The following ADAMTS12 variants were observed in gnomAD, a reference collection of about 807,000 sequenced individuals.
ADAMTS12 encodes A disintegrin and metalloproteinase with thrombospondin motifs 12.
A neutral mutation model predicts 167.8 loss-of-function variants in ADAMTS12; 118 were observed. The observed-to-expected ratio is 0.70, with a 90% CI of 0.61 to 0.82. The LOEUF is 0.82. Among genes scored for constraint, ADAMTS12 ranks in the 40% least tolerant of loss-of-function variants. The pLI is 0.00. For synonymous variants in ADAMTS12, 704 were observed against 716.9 expected (o/e 0.98, Z 0.29); for missense variants, 1,916 against 1,998.8 (o/e 0.96, Z 0.79).
At chr5:33,657,316 AT>A (rs1741097490) in intron 7 of ADAMTS12, among the ~76,000 whole-genome samples, 1 of 152,026 alleles carries the variant, frequency 6.6e-6, no homozygotes, top group Non-Finnish European at 1.5e-5. Context: ...ATTCCCCAGC[AT>A]TTTTCCTTCT....
intron 2 of ADAMTS12, among the ~76,000 whole-genome samples, chr5:33,781,332 G>T (rs1255422810): frequency 2.0e-5 from 3 of 151,942 alleles, no homozygotes; most frequent in Non-Finnish European, 4.4e-5. Context: ...GAAATACCAA[G>T]AAGTCATCTA....
At chr5:33,646,584 A>C (rs1489574098) in intron 9 of ADAMTS12, among the ~76,000 whole-genome samples, 7 of 152,208 alleles carry the variant, frequency 4.6e-5, no homozygotes, top group Non-Finnish European at 5.9e-5. Flanking sequence ...CAAATCAGTA[A>C]CATTTTAAAT....
chr5:33,591,948 C>T lies in ADAMTS12; in HGVS notation c.2655-3139G>A, dbSNP rs114582029. On this transcript the variant is annotated intron_variant, in intron 17 of 23. Coordinates refer to ENST00000504830, the MANE Select transcript of ADAMTS12 (RefSeq NM_030955.4). ...ACTATCCAGCCCAGTAAGCCAGGCG[C>T]GGTAGCTCACGCCTGTAATCCCAGC... 5.5e-3 allele frequency among the ~76,000 whole-genome samples: 838 copies of T among 152,134 alleles called. 5 individuals are homozygous for T. Among genetic ancestry groups the T allele is most frequent in the African/African-American group, 0.019 (800 of 41,506 alleles).
chr5:33,753,969 A>T (rs80023921), intron 2 of ADAMTS12, among the ~76,000 whole-genome samples: 1,612 of 152,260 alleles, frequency 0.011, 27 homozygotes, highest in African/African-American at 0.038. Context: ...TTTGTCACAG[A>T]GAAAGGAATA....
chr5:33,729,490 A>G (rs1744100965), intron 3 of ADAMTS12, among the ~76,000 whole-genome samples: 1 of 152,242 alleles, frequency 6.6e-6, no homozygotes, highest in Non-Finnish European at 1.5e-5. Context: ...CCCATTTCCA[A>G]TGTAAGCAAA....
intron 3 of ADAMTS12, among the ~76,000 whole-genome samples, chr5:33,745,383 G>A (rs953423655): frequency 3.3e-5 from 5 of 152,174 alleles, no homozygotes; most frequent in South Asian, 2.1e-4. Flanking sequence ...AACACATCAA[G>A]TAACATTTAT....
intron 10 of ADAMTS12, among the ~76,000 whole-genome samples, chr5:33,642,252 G>A (rs1222453788): frequency 3.3e-5 from 5 of 152,152 alleles, no homozygotes; most frequent in Non-Finnish European, 7.4e-5. Context: ...TTTTTTCATT[G>A]AGAAAGTCTT....
At chr5:33,544,088 G>A (rs530497702) in intron 22 of ADAMTS12, among the ~76,000 whole-genome samples, 1 of 152,244 alleles carries the variant, frequency 6.6e-6, no homozygotes, top group South Asian at 2.1e-4. Flanking sequence ...GTTTGCAGAT[G>A]ACATGATTTT....
chr5:33,858,670 AG>A (rs112207993), intron 2 of ADAMTS12, among the ~76,000 whole-genome samples: 33,973 of 129,618 alleles, frequency 0.26, 4,084 homozygotes, highest in Admixed American at 0.3. Flanking sequence ...AAAAAAAAAA[AG>A]AAAAGAAAAA....
At chr5:33,631,561 C>T (rs1486355402) in intron 12 of ADAMTS12, among the ~76,000 whole-genome samples, 1 of 152,150 alleles carries the variant, frequency 6.6e-6, no homozygotes, top group African/African-American at 2.4e-5. Flanking sequence ...TTCTAAGGTT[C>T]AGTTTTCTAC....
chr5:33,775,028 G>T (rs920204633), intron 2 of ADAMTS12, among the ~76,000 whole-genome samples: 1 of 152,198 alleles, frequency 6.6e-6, no homozygotes, highest in Non-Finnish European at 1.5e-5. Flanking sequence ...AGCATCTCTG[G>T]GTGATAGGGC....
intron 13 of ADAMTS12, among the ~76,000 whole-genome samples, chr5:33,627,130 T>TGTG (rs372666390): frequency 2.3e-5 from 3 of 133,008 alleles, no homozygotes; most frequent in Admixed American, 1.5e-4. Context: ...GTGGTGGTGA[T>TGTG]GTGGTGGTGG....
chr5:33,828,807 T>C (rs1168590204), intron 2 of ADAMTS12, among the ~76,000 whole-genome samples: 1 of 152,208 alleles, frequency 6.6e-6, no homozygotes, highest in Non-Finnish European at 1.5e-5. Context: ...GAGGGTATGA[T>C]GCAGTGACTC....
rs529052836 is a variant in ADAMTS12 at position 33,551,686 on chromosome 5, C to T, written c.4126-2303G>A. 1.6e-3 allele frequency among the ~76,000 whole-genome samples: 251 copies of T among 152,238 alleles called. 1 individual carries two copies. Among genetic ancestry groups the T allele is most frequent in the African/African-American group, 5.9e-3 (246 of 41,562 alleles). ...ATTTATTTTTCAAATTAGCATTACT[C>T]TTTTGTCAAGAGCATGTGCACATTC... On this transcript the variant is annotated intron_variant, in intron 20 of 23. Coordinates refer to ENST00000504830, the MANE Select transcript of ADAMTS12 (RefSeq NM_030955.4).
intron 3 of ADAMTS12, among the ~76,000 whole-genome samples, chr5:33,690,675 C>T (rs9292505): frequency 0.045 from 6,804 of 151,842 alleles, 314 homozygotes; most frequent in East Asian, 0.17. Flanking sequence ...CTGAATGAGT[C>T]GAGAATTTAT....
Position 33,525,422 on chromosome 5 carries a change from C to A in ADAMTS12, c.*1766G>T, listed in dbSNP as rs113437526. 2 of 152,106 alleles carry A rather than the reference C, an allele frequency of 1.3e-5. No homozygotes were observed. The highest frequency in any genetic ancestry group is 4.8e-5 in the African/African-American group (2 of 41,404). 9.4% of individuals were successfully genotyped at this position (152,106 alleles called of 1,614,324 possible). On this transcript the variant is annotated 3_prime_UTR_variant, in exon 24 of 24. Transcript: ENST00000504830. ...CACAGGAATTCATGAGAGTAATACA[C>A]GTTAATGGCTTGGAAAAAAATAAAA... is the stretch of plus-strand genomic sequence containing the variant.
chr5:33,741,686 G>A (rs1302410293), intron 3 of ADAMTS12, among the ~76,000 whole-genome samples: 3 of 152,036 alleles, frequency 2.0e-5, no homozygotes, highest in African/African-American at 7.2e-5. Context: ...GGAGTGCAGT[G>A]GTGCGATCTC....
At chr5:33,528,407 AC>A (rs1261908294) in intron 23 of ADAMTS12, among the ~76,000 whole-genome samples, 3 of 152,124 alleles carry the variant, frequency 2.0e-5, no homozygotes, top group African/African-American at 7.2e-5. Flanking sequence ...CTACTTTGGT[AC>A]CCCCAAAACT....
chr5:33,876,806 G>A (rs1449811911), intron 2 of ADAMTS12, among the ~76,000 whole-genome samples: 1 of 152,186 alleles, frequency 6.6e-6, no homozygotes, highest in African/African-American at 2.4e-5. Flanking sequence ...TTAAAATCCT[G>A]GCTGTGATAC....
Sources: allele counts gnomAD v4.1 joint callset (sites outside exome capture counted in the v4.1 genomes callset), GRCh38; gene constraint gnomAD v4.1.1; transcripts MANE v1.5; gene names NCBI Gene and HGNC (gene_info 2026-07-23, HGNC 2026-07-21).